Variants in BTNL8 observed in about 807,000 individuals in gnomAD.
The protein encoded by BTNL8 is butyrophilin like 8, also known as butyrophilin-like protein 8.
Under a neutral mutation model 36.1 loss-of-function variants are expected in BTNL8, and 22 were observed. The ratio of observed to expected loss-of-function variants is 0.61; its 90% CI spans 0.44 to 0.87. BTNL8 has a LOEUF of 0.87. Among genes scored for constraint, BTNL8 ranks in the 40% least tolerant of loss-of-function variants. The pLI, the probability that BTNL8 is intolerant of heterozygous loss-of-function variation, is 0.00. For missense variants in BTNL8, 526 were observed against 616.9 expected (o/e 0.85, Z 1.56); for synonymous variants, 203 against 235.6 (o/e 0.86, Z 1.27).
chr5:180,927,985 A>G (rs1213423780), intron 3 of BTNL8, among the ~76,000 whole-genome samples: 2 of 152,188 alleles, frequency 1.3e-5, no homozygotes, highest in Non-Finnish European at 2.9e-5. Context: ...TACAGAGAAC[A>G]CCACAAAGAT....
chr5:180,930,142 G>A (rs1027438211), intron 3 of BTNL8, among the ~76,000 whole-genome samples: 3 of 152,198 alleles, frequency 2.0e-5, no homozygotes, highest in South Asian at 2.1e-4. Flanking sequence ...TCATCCTTGG[G>A]ATGCAAGGCT....
chr5:180,927,801 A>G (rs1758172281), intron 3 of BTNL8, among the ~76,000 whole-genome samples: 1 of 152,212 alleles, frequency 6.6e-6, no homozygotes. Context: ...ATGAAAAGGA[A>G]CAAACAATGC....
chr5:180,935,888 A>G lies in BTNL8; in HGVS notation c.674-11624A>G, dbSNP rs895552718. On this transcript the variant is annotated intron_variant, in intron 3 of 7. Coordinates refer to ENST00000340184, the MANE Select transcript of BTNL8 (RefSeq NM_001040462.3). This position sits in a 1 kb window ranked among gnomAD's most constrained non-coding sequence, Gnocchi z 4.8. The stretch of plus-strand genomic sequence containing the variant: ...AGTGGAACACTTTTCCTGCTAGATC[A>G]GGGACAATACAAGAATGCCCATTCT... Among the ~76,000 whole-genome samples, 2 of 152,118 alleles carry G rather than the reference A, an allele frequency of 1.3e-5. No individual in the cohort carries two copies. Among genetic ancestry groups the G allele is most frequent in the African/African-American group, 2.4e-5 (1 of 41,444 alleles).
In BTNL8 at chr5:180,947,613, TC is replaced by T. The variant is rs1352049309; in HGVS notation, c.777del (p.Lys260AsnfsTer21). ...FGIVGLKIFF[S>X]KFQWKIQAEL... Reference sequence around the variant, plus strand: ...CATTGTTGGACTGAAGATTTTCTTCTCCAAATTCCAGTGTAAGCGAGAGAGA... The same window carrying T: ...CATTGTTGGACTGAAGATTTTCTTCTCAAATTCCAGTGTAAGCGAGAGAGA... On this transcript the variant is annotated frameshift_variant, in exon 4 of 8. Transcript: ENST00000340184. LOFTEE classifies it high-confidence loss of function. 1 of 1,614,204 alleles carries T rather than the reference TC, an allele frequency of 6.2e-7. No individual in the cohort carries two copies.
In BTNL8 at chr5:180,935,578, C is replaced by A. The variant is rs2113840834; in HGVS notation, c.674-11934C>A. On this transcript the variant is annotated intron_variant, in intron 3 of 7. Transcript: ENST00000340184. This position sits in a 1 kb window ranked among gnomAD's most constrained non-coding sequence, Gnocchi z 4.8. ...GGGTAGGAAGCAGAAGCAGGCACTT[C>A]TGAGCCTGCAGGGGCAGAGAGGGTT... Among the ~76,000 whole-genome samples the A allele has an allele frequency of 6.6e-6, 1 of 152,374 alleles. No homozygotes were observed. Among genetic ancestry groups the A allele is most frequent in the South Asian group, 2.1e-4 (1 of 4,834 alleles).
intron 4 of BTNL8, chr5:180,948,063 G>C (rs1243813020): frequency 9.3e-6 from 6 of 642,238 alleles, no homozygotes; most frequent in Admixed American, 3.1e-5. Flanking sequence ...CTTCCCCTTG[G>C]GGGTGAGGCC....
intron 3 of BTNL8, among the ~76,000 whole-genome samples, chr5:180,945,082 T>C (rs150819061): frequency 0.016 from 2,487 of 152,294 alleles, 75 homozygotes; most frequent in African/African-American, 0.056. Context: ...AAAGTGATTA[T>C]AATTAAAACG....
chr5:180,902,713 C>T, intron 1 of BTNL8, among the ~76,000 whole-genome samples: 1 of 144,208 alleles, frequency 6.9e-6, no homozygotes. Context: ...TGTGATATTC[C>T]CCTTCCTGTG....
At chr5:180,924,051 T>C (rs1045208077) in intron 3 of BTNL8, among the ~76,000 whole-genome samples, 2 of 152,184 alleles carry the variant, frequency 1.3e-5, no homozygotes, top group African/African-American at 2.4e-5. Flanking sequence ...CTTTAAGCCT[T>C]ACTCAGCGTG....
At chr5:180,916,002 C>CAG (rs1322624913) in intron 3 of BTNL8, among the ~76,000 whole-genome samples, 1 of 152,166 alleles carries the variant, frequency 6.6e-6, no homozygotes, top group Non-Finnish European at 1.5e-5. Flanking sequence ...TGATAATGAA[C>CAG]AGAGGTTTAT....
chr5:180,909,634 C>A lies in BTNL8; in HGVS notation c.397+701C>A. On this transcript the variant is annotated intron_variant, in intron 2 of 7. Coordinates refer to ENST00000340184, the MANE Select transcript of BTNL8 (RefSeq NM_001040462.3). ...GTGGCTCAAGCCCGTAATCCCAACA[C>A]CTTGAGAGGCTGAGACAGGAGGATT... is the stretch of plus-strand genomic sequence containing the variant. The A allele has an allele frequency of 3.1e-6, 3 of 953,450 alleles. No individual in the cohort carries two copies. In the South Asian group the frequency reaches 1.5e-4, roughly 46 times the overall value. 59.1% of individuals were successfully genotyped at this position (953,450 alleles called of 1,614,324 possible).
In BTNL8 at chr5:180,950,737, T is replaced by G; in HGVS notation, c.*193T>G. On this transcript the variant is annotated 3_prime_UTR_variant, in exon 8 of 8. Coordinates refer to ENST00000340184, the MANE Select transcript of BTNL8 (RefSeq NM_001040462.3). ...TTACATTTAGTTTGCTCTCACTCCA[T>G]CTGGCTAAGTGATCTTGAAATACCA... 1 of 597,518 alleles carries G rather than the reference T, an allele frequency of 1.7e-6. No individual in the cohort carries two copies. Among genetic ancestry groups the G allele is most frequent in the South Asian group, 2.0e-5 (1 of 51,144 alleles). The allele number at this position is 597,518 out of a possible 1,614,324, so 37.0% of individuals were successfully genotyped here.
At chr5:180,922,666 C>A (rs1162864382) in intron 3 of BTNL8, among the ~76,000 whole-genome samples, 1 of 150,688 alleles carries the variant, frequency 6.6e-6, no homozygotes, top group Non-Finnish European at 1.5e-5. Context: ...AATGTATATC[C>A]TGTTATTTTT....
chr5:180,947,155 C>T (rs771372247), intron 3 of BTNL8, among the ~76,000 whole-genome samples: 1 of 152,146 alleles, frequency 6.6e-6, no homozygotes, highest in Non-Finnish European at 1.5e-5. Flanking sequence ...GATTAAGCCA[C>T]TCAAAATTAT....
rs1759520182 is a variant in BTNL8, at chr5:180,950,799, A to G, written c.*255A>G. ...AAGAACCGTCAGGAATTCCCATCTC[A>G]CAGGCTGTGGTGTAGATTAAGTAGA... On this transcript the variant is annotated 3_prime_UTR_variant, in exon 8 of 8. Coordinates refer to ENST00000340184, the MANE Select transcript of BTNL8 (RefSeq NM_001040462.3). 2.1e-6 allele frequency: 1 copy of G among 474,412 alleles called. No individual in the cohort carries two copies. The highest frequency in any genetic ancestry group is 2.1e-5 in the South Asian group (1 of 46,684). The allele number at this position is 474,412 out of a possible 1,614,324, so 29.4% of individuals were successfully genotyped here. A position where few individuals can be genotyped will look rare whatever the true frequency, so the allele number is the denominator to read the frequency against.
intron 3 of BTNL8, among the ~76,000 whole-genome samples, chr5:180,943,533 C>T (rs1019002651): frequency 6.6e-6 from 1 of 152,056 alleles, no homozygotes; most frequent in Non-Finnish European, 1.5e-5. Context: ...AAATGCAAAT[C>T]AAAACTACAA....
rs369234270 is a variant in BTNL8, at chr5:180,899,403, G to A, written c.49+44G>A. On this transcript the variant is annotated intron_variant, in intron 1 of 7. Transcript: ENST00000340184. ...TCCTCCTTACTAACTAACAGTTTGA[G>A]TTCTTTAGCTACAATGGTTGCAGCA... 9.3e-4 allele frequency: 1,459 copies of A among 1,572,424 alleles called. 27 individuals carry two copies. In the South Asian group the frequency reaches 0.015, roughly 16 times the overall value.
chr5:180,914,075 G>A (rs936333031), intron 3 of BTNL8, among the ~76,000 whole-genome samples: 6 of 152,156 alleles, frequency 3.9e-5, no homozygotes, highest in Non-Finnish European at 7.4e-5. Flanking sequence ...ATGGTATTGC[G>A]ATATGGTTTT....
At chr5:180,922,682 G>A (rs1442562160) in intron 3 of BTNL8, among the ~76,000 whole-genome samples, 3 of 151,134 alleles carry the variant, frequency 2.0e-5, no homozygotes, top group Admixed American at 6.6e-5. Context: ...TTTTTGGGTG[G>A]AGAGTTATGT....
Sources: gnomAD v4.1 joint callset for allele counts (sites outside exome capture counted in the v4.1 genomes callset) on GRCh38, gnomAD v4.1.1 for gene constraint, Gnocchi (gnomAD v3.1) non-coding constraint, MANE v1.5 for transcripts, NCBI Gene and HGNC (gene_info 2026-07-23, HGNC 2026-07-21) for gene names.